Variants in ANKRD12 observed in about 807,000 individuals in gnomAD.
ANKRD12 encodes the protein ankyrin repeat domain 12, also known as ankyrin repeat domain-containing protein 12.
In ANKRD12, 85 loss-of-function variants were observed where a neutral mutation model predicts 183.4. The ratio of observed to expected loss-of-function variants is 0.46; its 90% CI spans 0.39 to 0.56. The LOEUF (loss-of-function observed/expected upper bound fraction) is 0.56, where lower values mean the gene tolerates loss of function less well. ANKRD12 is among the 20% of genes least tolerant of loss of function. ANKRD12 has a pLI of 0.00. For missense variants in ANKRD12, 2,405 were observed against 2,357.1 expected (o/e 1.02, Z -0.42); for synonymous variants, 914 against 800.2 (o/e 1.14, Z -2.40).
Position 9,284,338 on chromosome 18 carries a change from A to G in ANKRD12, c.*3212A>G, listed in dbSNP as rs1461789564. ...AAGCTCATTTGAATGGGACTTAACA[A>G]TTAGACAGTTATTTTAGAAATTGAG... is the stretch of plus-strand genomic sequence containing the variant. On this transcript the variant is annotated 3_prime_UTR_variant, in exon 13 of 13. Transcript: ENST00000262126. 2 of 152,242 alleles carry G rather than the reference A, an allele frequency of 1.3e-5. No homozygotes were observed. The highest frequency in any genetic ancestry group is 2.9e-5 in the Non-Finnish European group (2 of 68,038). 9.4% of individuals were successfully genotyped at this position (152,242 alleles called of 1,614,324 possible).
At chr18:9,259,019 G>C in intron 9 of ANKRD12, 88 bp downstream of exon 9, 4 of 1,407,080 alleles carry the variant, frequency 2.8e-6, no homozygotes, top group South Asian at 1.6e-5. Flanking sequence ...AAGTTTTCTA[G>C]TAGATAGATA....
chr18:9,267,007 A>T (rs1460289735), intron 10 of ANKRD12, among the ~76,000 whole-genome samples: 8 of 152,250 alleles, frequency 5.3e-5, no homozygotes, highest in Middle Eastern at 3.4e-3. Context: ...ACAAAGATCA[A>T]AAGAGACAAA....
chr18:9,242,777 T>C (rs1207600123), intron 8 of ANKRD12, among the ~76,000 whole-genome samples: 1 of 152,202 alleles, frequency 6.6e-6, no homozygotes, highest in Non-Finnish European at 1.5e-5. Flanking sequence ...ATTTTGCTTT[T>C]AGACTTAAGA....
chr18:9,275,318 T>A (rs1000712883), intron 10 of ANKRD12, among the ~76,000 whole-genome samples: 9 of 140,514 alleles, frequency 6.4e-5, no homozygotes, highest in African/African-American at 2.0e-4. Context: ...ATATATATAT[T>A]TTTAATTAGC....
In ANKRD12 at chr18:9,261,885, G is replaced by A. The variant is rs568002307; in HGVS notation, c.5665-1905G>A. Among the ~76,000 whole-genome samples the A allele has an allele frequency of 6.6e-5, 10 of 152,182 alleles. No homozygotes were observed. In the South Asian group the frequency reaches 1.5e-3, roughly 22 times the overall value. On this transcript the variant is annotated intron_variant, in intron 9 of 12. Coordinates refer to ENST00000262126, the MANE Select transcript of ANKRD12 (RefSeq NM_015208.5). ...CCTCAGTGTCAGACAGTAGATATCC[G>A]TCCTCTACATTCCTTGAAATAACTA...
chr18:9,202,108 GAGCAACCGCGCCC>G (rs1432608850), intron 3 of ANKRD12, among the ~76,000 whole-genome samples: 4 of 152,184 alleles, frequency 2.6e-5, no homozygotes, highest in Non-Finnish European at 4.4e-5. Context: ...TTACAGGCGT[GAGCAACCGCGCCC>G]AGCCTTTTTT....
At chr18:9,147,733 A>G (rs1402473525) in intron 1 of ANKRD12, among the ~76,000 whole-genome samples, 1 of 152,240 alleles carries the variant, frequency 6.6e-6, no homozygotes, top group Non-Finnish European at 1.5e-5. Flanking sequence ...ATTTCACTGT[A>G]TGCAGAACAA....
intron 2 of ANKRD12, among the ~76,000 whole-genome samples, chr18:9,192,510 T>C (rs1395737543): frequency 1.3e-5 from 2 of 152,200 alleles, no homozygotes; most frequent in East Asian, 1.9e-4. Context: ...TGTGCTGTTT[T>C]TTGGTATCAA....
At chr18:9,188,039 G>A (rs1365845768) in intron 2 of ANKRD12, among the ~76,000 whole-genome samples, 2 of 152,194 alleles carry the variant, frequency 1.3e-5, no homozygotes, top group Non-Finnish European at 1.5e-5. Context: ...CAACAACTGT[G>A]AAGGTTCTGA....
intron 8 of ANKRD12, among the ~76,000 whole-genome samples, chr18:9,243,832 T>TA (rs1489351571): frequency 6.6e-6 from 1 of 152,192 alleles, no homozygotes; most frequent in Non-Finnish European, 1.5e-5. Context: ...AATAGTTTTT[T>TA]AAATTGAAGA....
At chr18:9,171,768 C>T (rs1300370568) in intron 1 of ANKRD12, among the ~76,000 whole-genome samples, 1 of 152,090 alleles carries the variant, frequency 6.6e-6, no homozygotes, top group Admixed American at 6.6e-5. Context: ...CGTCTGTAAT[C>T]CCATCACTTT....
intron 6 of ANKRD12, among the ~76,000 whole-genome samples, chr18:9,212,077 T>A (rs1165390024): frequency 6.6e-6 from 1 of 152,108 alleles, no homozygotes; most frequent in Non-Finnish European, 1.5e-5. Flanking sequence ...GAGTTATATG[T>A]TTTCAAAGTA....
At chr18:9,172,783 T>C (rs1158817630) in intron 1 of ANKRD12, among the ~76,000 whole-genome samples, 1 of 152,220 alleles carries the variant, frequency 6.6e-6, no homozygotes, top group Non-Finnish European at 1.5e-5. Flanking sequence ...TGTGGTAATT[T>C]AGAGAAGAGG....
chr18:9,260,160 T>C (rs1192764134), intron 9 of ANKRD12: 1 of 152,230 alleles, frequency 6.6e-6, no homozygotes. Context: ...TATGGCTTTA[T>C]CCATTTGTTT....
At position 9,254,316 on chromosome 18, in the gene ANKRD12, G is replaced by A. The variant is rs750213446; in HGVS notation, c.1049G>A (p.Ser350Asn). 12 of 1,612,630 alleles carry A rather than the reference G, an allele frequency of 7.4e-6. No individual in the cohort carries two copies. Among genetic ancestry groups the A allele is most frequent in the Non-Finnish European group, 1.0e-5 (12 of 1,179,426 alleles). The change falls in exon 9 of 13, where the codon AGT (serine) becomes AAT (asparagine). Residue 350 changes from serine to asparagine, a missense_variant. Physicochemically the swap from Ser to Asn is conservative, Grantham distance 46. Coordinates refer to ENST00000262126, the MANE Select transcript of ANKRD12 (RefSeq NM_015208.5). ...LICESKQILPSKTPLPSALDE... is the reference protein window; with the variant it reads ...LICESKQILPNKTPLPSALDE... ...TGTGAAAGTAAACAGATACTTCCCA[G>A]TAAAACACCTCTTCCATCTGCCCTT... is the stretch of plus-strand genomic sequence containing the variant.
intron 8 of ANKRD12, among the ~76,000 whole-genome samples, chr18:9,227,265 T>C (rs914608241): frequency 3.9e-5 from 6 of 152,178 alleles, no homozygotes; most frequent in African/African-American, 1.4e-4. Context: ...GTTACAGATA[T>C]ATAGTGTTCA....
intron 1 of ANKRD12, among the ~76,000 whole-genome samples, chr18:9,167,216 A>T (rs1252861887): frequency 2.0e-5 from 3 of 151,856 alleles, no homozygotes; most frequent in African/African-American, 4.9e-5. Flanking sequence ...TTTTGGTTCC[A>T]TATGAACTTT....
chr18:9,274,552 G>A (rs1361701338), intron 10 of ANKRD12, among the ~76,000 whole-genome samples: 1 of 152,192 alleles, frequency 6.6e-6, no homozygotes, highest in Non-Finnish European at 1.5e-5. Context: ...GAGGAAGGGG[G>A]TGGAGGGAGT....
rs1295383070 is a variant in ANKRD12, at chr18:9,222,134, ACTAG to A, written c.943+139_943+142del. On this transcript the variant is annotated intron_variant, in intron 8 of 12. Transcript: ENST00000262126. The stretch of plus-strand genomic sequence containing the variant: ...GGCTAGCTAGAATAATGCTTAGCTA[ACTAG>A]CTAAGAATGATGAAGTTAGTAACCT... The A allele has an allele frequency of 2.8e-6, 3 of 1,065,880 alleles. No homozygotes were observed. In the South Asian group the frequency reaches 4.8e-5, roughly 17 times the overall value. 66.0% of individuals were successfully genotyped at this position (1,065,880 alleles called of 1,614,324 possible).
Sources: gnomAD v4.1 joint callset for allele counts (sites outside exome capture counted in the v4.1 genomes callset) on GRCh38, gnomAD v4.1.1 for gene constraint, MANE v1.5 for transcripts, NCBI Gene and HGNC (gene_info 2026-07-23, HGNC 2026-07-21) for gene names.